The following CYFIP1 variants were observed in gnomAD, a reference collection of about 807,000 sequenced individuals.
The protein encoded by CYFIP1 is cytoplasmic FMR1 interacting protein 1.
In CYFIP1, 58 loss-of-function variants were observed where a neutral mutation model predicts 163.5. That is an observed-to-expected ratio of 0.35 (90% CI 0.29 to 0.44). The LOEUF (loss-of-function observed/expected upper bound fraction) is 0.44. Ranked by LOEUF, CYFIP1 falls within the 20% of genes least tolerant of loss-of-function variation. CYFIP1 has a pLI of 1.00. For missense variants in CYFIP1, 1,338 were observed against 1,653.8 expected (o/e 0.81, Z 3.31); for synonymous variants, 663 against 660.7 (o/e 1.00, Z -0.05).
chr15:22,900,363 C>T (rs1309283158), intron 22 of CYFIP1, among the ~76,000 whole-genome samples: 1 of 151,406 alleles, frequency 6.6e-6, no homozygotes, highest in Non-Finnish European at 1.5e-5. Context: ...TTCCAGACTT[C>T]TGGACTCCAG....
intron 13 of CYFIP1, among the ~76,000 whole-genome samples, chr15:22,922,079 C>T (rs992357259): frequency 1.2e-4 from 19 of 152,106 alleles, no homozygotes; most frequent in Non-Finnish European, 1.9e-4. Context: ...AATGAAACTC[C>T]GCACATCCCC....
At chr15:22,873,948 G>A (rs1007823246) in intron 28 of CYFIP1, among the ~76,000 whole-genome samples, 4 of 152,190 alleles carry the variant, frequency 2.6e-5, no homozygotes, top group African/African-American at 9.7e-5. Flanking sequence ...TGTAGAGATG[G>A]GGTTTCGCCA....
At chr15:22,899,905 G>A (rs1246097583) in intron 22 of CYFIP1, among the ~76,000 whole-genome samples, 5 of 152,046 alleles carry the variant, frequency 3.3e-5, no homozygotes, top group Non-Finnish European at 5.9e-5. Context: ...AAAATTAGCC[G>A]GGCATGGTGG....
At chr15:22,951,200 G>A (rs556758755) in intron 1 of CYFIP1, among the ~76,000 whole-genome samples, 79 of 152,268 alleles carry the variant, frequency 5.2e-4, no homozygotes, top group African/African-American at 1.7e-3. Context: ...CAGAGGCACC[G>A]GCCGCACCGC....
At chr15:22,968,493 C>T (rs911599989) in intron 1 of CYFIP1, among the ~76,000 whole-genome samples, 4 of 152,168 alleles carry the variant, frequency 2.6e-5, no homozygotes, top group South Asian at 4.1e-4. Flanking sequence ...GCCTTGCAAA[C>T]GCTGGACTTG....
chr15:22,949,637 C>T lies in CYFIP1; in HGVS notation c.-6-2346G>A, dbSNP rs368035049. Among the ~76,000 whole-genome samples, 4 of 152,030 alleles carry T rather than the reference C, an allele frequency of 2.6e-5. No individual in the cohort carries two copies. The East Asian group carries it at 5.8e-4, about 22-fold the overall frequency. ...TACATAAATGTAAATTACACAAATA[C>T]ATAACAAGTAAATTATAAAATATTT... On this transcript the variant is annotated intron_variant, in intron 1 of 30. Transcript: ENST00000617928.
At chr15:22,922,034 T>C (rs994567346) in intron 13 of CYFIP1, among the ~76,000 whole-genome samples, 4 of 152,072 alleles carry the variant, frequency 2.6e-5, no homozygotes, top group Non-Finnish European at 4.4e-5. Flanking sequence ...GGTGGACCCT[T>C]GTGCAGGAAA....
intron 1 of CYFIP1, among the ~76,000 whole-genome samples, chr15:22,950,068 A>G (rs996635652): frequency 2.0e-5 from 3 of 152,176 alleles, no homozygotes; most frequent in Non-Finnish European, 4.4e-5. Flanking sequence ...GTTTTTAAAA[A>G]CCTAAAAGGA....
chr15:22,945,750 ATT>A (rs529858683), intron 3 of CYFIP1, among the ~76,000 whole-genome samples: 14,845 of 142,620 alleles, frequency 0.1, 1,007 homozygotes, highest in Middle Eastern at 0.17. Flanking sequence ...TAATTTTTGT[ATT>A]TTTTTTTTTT....
rs35398202 is a variant in CYFIP1 at position 22,930,389 on chromosome 15, CAAAAA to C, written c.1110+1829_1110+1833del. On this transcript the variant is annotated intron_variant, in intron 11 of 30. Transcript: ENST00000617928. ...CGACACAGCAAGACTCCGTCTCACC[CAAAAA>C]AAAAAAAAAAAAAAAAAACTGTACT... Among the ~76,000 whole-genome samples the C allele has an allele frequency of 3.0e-4, 34 of 114,094 alleles. No individual in the cohort carries two copies. In the South Asian group the frequency reaches 6.3e-3, roughly 21 times the overall value. 74.9% of individuals were successfully genotyped at this position (114,094 alleles called of 152,430 possible).
At chr15:22,967,721 T>G (rs1008786292) in intron 1 of CYFIP1, among the ~76,000 whole-genome samples, 3 of 152,128 alleles carry the variant, frequency 2.0e-5, no homozygotes, top group African/African-American at 7.2e-5. Flanking sequence ...ATGTGACCAG[T>G]GAGGTCAGCC....
In CYFIP1 at chr15:22,932,225, C is replaced by T. The variant is rs776258732; in HGVS notation, c.1108G>A (p.Glu370Lys). ...ISELARYSNS[E>K]VVTGSGRQEA... ...CAGCTCCAGGTCGCGGGGCGCACCT[C>T]GCTGTTGCTGTAGCGCGCCAGCTCC... Residue 370 changes from glutamate to lysine, a missense_variant and splice_region_variant, in exon 11 of 31, where the codon GAG (glutamate) becomes AAG (lysine). Glu to Lys is a moderately conservative substitution (Grantham distance 56, BLOSUM62 1). This residue lies in a region of CYFIP1 where 824 missense variants were observed against 995.7 expected (regional missense o/e 0.83). Coordinates refer to ENST00000617928, the MANE Select transcript of CYFIP1 (RefSeq NM_014608.6). 4.3e-6 allele frequency: 7 copies of T among 1,609,454 alleles called. No homozygotes were observed. Among genetic ancestry groups the T allele is most frequent in the East Asian group, 4.5e-5 (2 of 44,652 alleles).
chr15:22,961,624 C>G (rs770822069), intron 1 of CYFIP1, among the ~76,000 whole-genome samples: 3 of 152,132 alleles, frequency 2.0e-5, no homozygotes, highest in South Asian at 4.1e-4. Flanking sequence ...AAGAGATCCT[C>G]CAGCCTCAGC....
chr15:22,943,108 C>A, intron 6 of CYFIP1, 65 bp downstream of exon 6: 1 of 1,513,872 alleles, frequency 6.6e-7, no homozygotes, highest in Non-Finnish European at 9.1e-7. Context: ...ACCTGCTGTG[C>A]ACAAGGCAGG....
At chr15:22,961,174 A>C (rs1420322015) in intron 1 of CYFIP1, among the ~76,000 whole-genome samples, 1 of 151,236 alleles carries the variant, frequency 6.6e-6, no homozygotes, top group Admixed American at 6.6e-5. Context: ...GGGGCTCGCC[A>C]CCATGCCGGG....
intron 9 of CYFIP1, among the ~76,000 whole-genome samples, chr15:22,936,767 T>C (rs1280109690): frequency 6.6e-6 from 1 of 152,160 alleles, no homozygotes; most frequent in African/African-American, 2.4e-5. Flanking sequence ...AGTCATCAGA[T>C]AGAAAACTAC....
intron 1 of CYFIP1, among the ~76,000 whole-genome samples, chr15:22,964,225 T>C (rs888015098): frequency 3.4e-5 from 5 of 145,416 alleles, no homozygotes; most frequent in African/African-American, 1.3e-4. Flanking sequence ...GAGCTTAAAA[T>C]ATGTGAACCC....
rs1595595064 is a variant in CYFIP1, at chr15:22,917,062, A to G, written c.1675-432T>C. ...CGGACAGACAGGAGGGAGAGGCAGG[A>G]GAGAGACGTTAGTCACTCGACACAC... is the stretch of plus-strand genomic sequence containing the variant. On this transcript the variant is annotated intron_variant, in intron 15 of 30. Coordinates refer to ENST00000617928, the MANE Select transcript of CYFIP1 (RefSeq NM_014608.6). The surrounding 1 kb of genome is among the most constrained non-coding windows in gnomAD (Gnocchi z 4.2). The G allele has an allele frequency of 6.6e-7, 1 of 1,506,872 alleles. No individual in the cohort carries two copies. The highest frequency in any genetic ancestry group is 2.5e-5 in the East Asian group (1 of 40,580). 93.3% of individuals were successfully genotyped at this position (1,506,872 alleles called of 1,614,324 possible). A position where few individuals can be genotyped will look rare whatever the true frequency, so the allele number is the denominator to read the frequency against.
In CYFIP1 at chr15:22,869,708, T is replaced by C. The variant is rs2059367573; in HGVS notation, c.*320A>G. On this transcript the variant is annotated 3_prime_UTR_variant, in exon 31 of 31. Transcript: ENST00000617928. ...AAGGGATTTAATGCATTTGCTGGTA[T>C]TAAGTTTCTTATGGAATGAATGAAT... The C allele has an allele frequency of 4.9e-6, 1 of 204,638 alleles. No individual in the cohort carries two copies. The highest frequency in any genetic ancestry group is 6.0e-5 in the Admixed American group (1 of 16,684). The allele number at this position is 204,638 out of a possible 1,614,324, so 12.7% of individuals were successfully genotyped here.
Sources: gnomAD v4.1 joint callset for allele counts (sites outside exome capture counted in the v4.1 genomes callset) on GRCh38, gnomAD v4.1.1 for gene constraint, gnomAD v4.1.1 regional missense constraint, Gnocchi (gnomAD v3.1) non-coding constraint, MANE v1.5 for transcripts, NCBI Gene and HGNC (gene_info 2026-07-23, HGNC 2026-07-21) for gene names.